RIMS2: variants seen among roughly 807,000 people sequenced by gnomAD.
The protein encoded by RIMS2 is regulating synaptic membrane exocytosis protein 2.
RIMS2 carries 59 observed loss-of-function variants against 174.4 expected under a neutral mutation model. The ratio of observed to expected loss-of-function variants is 0.34; its 90% confidence interval spans 0.27 to 0.42. The LOEUF is 0.42. RIMS2 is among the 10% of genes least tolerant of loss of function. RIMS2 has a pLI of 1.00. For synonymous variants in RIMS2, 606 were observed against 572.5 expected (o/e 1.06, Z -0.84); for missense variants, 1,620 against 1,666.3 (o/e 0.97, Z 0.48).
chr8:103,606,284 G>A (rs1339791260), intron 1 of RIMS2, among the ~76,000 whole-genome samples: 3 of 147,736 alleles, frequency 2.0e-5, no homozygotes, highest in Non-Finnish European at 4.5e-5. Flanking sequence ...GGAGCAGGTT[G>A]TTCAGTTTCC....
intron 2 of RIMS2, among the ~76,000 whole-genome samples, chr8:103,765,768 T>A (rs12544699): frequency 0.16 from 23,912 of 152,078 alleles, 1,991 homozygotes; most frequent in Middle Eastern, 0.25. Context: ...CAGCCTCAAA[T>A]TACAGGGAAA....
At chr8:103,663,392 G>A (rs1002711057) in intron 1 of RIMS2, among the ~76,000 whole-genome samples, 22 of 152,070 alleles carry the variant, frequency 1.4e-4, no homozygotes, top group Admixed American at 1.4e-3. Context: ...AAACCCCATC[G>A]TGTCAGCCCC....
intron 19 of RIMS2, among the ~76,000 whole-genome samples, chr8:104,071,478 A>G (rs1463457028): frequency 1.3e-5 from 2 of 152,168 alleles, no homozygotes; most frequent in Non-Finnish European, 2.9e-5. Context: ...TCTGTCACCC[A>G]GGCTGGAGTG....
intron 19 of RIMS2, among the ~76,000 whole-genome samples, chr8:104,038,237 T>G (rs547245566): frequency 2.1e-4 from 32 of 152,140 alleles, no homozygotes; most frequent in African/African-American, 6.3e-4. Flanking sequence ...TATATATCTT[T>G]TATTTCATTG....
intron 3 of RIMS2, among the ~76,000 whole-genome samples, chr8:103,823,508 C>T (rs2098766781): frequency 6.6e-6 from 1 of 151,904 alleles, no homozygotes; most frequent in Non-Finnish European, 1.5e-5. Context: ...CTTAAATTCA[C>T]TTAGTTTAAG....
At chr8:103,725,797 A>G (rs2097521613) in intron 2 of RIMS2, among the ~76,000 whole-genome samples, 1 of 152,178 alleles carries the variant, frequency 6.6e-6, no homozygotes, top group Non-Finnish European at 1.5e-5. Context: ...TGCAAAGGTC[A>G]TATACAATTT....
intron 2 of RIMS2, among the ~76,000 whole-genome samples, chr8:103,760,519 C>T (rs564341269): frequency 3.3e-5 from 5 of 152,300 alleles, no homozygotes; most frequent in Admixed American, 6.5e-5. Context: ...AGTTTAGTAG[C>T]GCAAGCTACC....
At chr8:103,756,197 A>T (rs2098000607) in intron 2 of RIMS2, among the ~76,000 whole-genome samples, 1 of 151,978 alleles carries the variant, frequency 6.6e-6, no homozygotes, top group Non-Finnish European at 1.5e-5. Flanking sequence ...TCATCTGCAG[A>T]TCTGTTGGAG....
chr8:103,914,330 G>C (rs2076271180), intron 6 of RIMS2, among the ~76,000 whole-genome samples: 1 of 152,130 alleles, frequency 6.6e-6, no homozygotes, highest in Admixed American at 6.5e-5. Flanking sequence ...GGAGTTACTA[G>C]TTACGTGAAA....
At chr8:103,874,033 G>A (rs1174738297) in intron 3 of RIMS2, among the ~76,000 whole-genome samples, 1 of 151,798 alleles carries the variant, frequency 6.6e-6, no homozygotes, top group Non-Finnish European at 1.5e-5. Context: ...ATTCAGGTGG[G>A]GATTGATCCT....
intron 2 of RIMS2, among the ~76,000 whole-genome samples, chr8:103,712,666 A>G (rs550910263): frequency 6.6e-6 from 1 of 152,310 alleles, no homozygotes; most frequent in African/African-American, 2.4e-5. Flanking sequence ...TTAAGATATA[A>G]AAAATTCATG....
chr8:103,865,477 GT>G (rs2154504555), intron 3 of RIMS2, among the ~76,000 whole-genome samples: 1 of 151,694 alleles, frequency 6.6e-6, no homozygotes, highest in Admixed American at 6.6e-5. Context: ...TAGAGATGGG[GT>G]TTCGCCATGT....
chr8:103,813,847 G>C (rs1203131801), intron 3 of RIMS2, among the ~76,000 whole-genome samples: 3 of 152,062 alleles, frequency 2.0e-5, no homozygotes, highest in Non-Finnish European at 4.4e-5. Flanking sequence ...ATTGTGAATA[G>C]TGCCGCAATA....
Position 103,930,526 on chromosome 8 carries a change from C to T in RIMS2, c.2245-737C>T, listed in dbSNP as rs191923348. Among the ~76,000 whole-genome samples the T allele has an allele frequency of 7.9e-5, 12 of 152,160 alleles. No homozygotes were observed. In the East Asian group the frequency reaches 2.3e-3, roughly 29 times the overall value. On this transcript the variant is annotated intron_variant, in intron 11 of 23. Transcript: ENST00000504942. ...GAGGTATGTGTGTGGGAGGTGATAA[C>T]TGTTAAATCAAGTGAATTCAGCAGT...
chr8:104,127,147 T>C (rs2098438419), intron 19 of RIMS2, among the ~76,000 whole-genome samples: 1 of 152,200 alleles, frequency 6.6e-6, no homozygotes, highest in Non-Finnish European at 1.5e-5. Context: ...CTCTCTAGAA[T>C]ATTCACTTTT....
chr8:103,586,450 G>T (rs1356848584), intron 1 of RIMS2, among the ~76,000 whole-genome samples: 2 of 152,094 alleles, frequency 1.3e-5, no homozygotes, highest in African/African-American at 2.4e-5. Context: ...AGGAATTTGG[G>T]AAACTAAACA....
intron 19 of RIMS2, among the ~76,000 whole-genome samples, chr8:104,059,408 T>C (rs2096935274): frequency 6.6e-6 from 1 of 151,566 alleles, no homozygotes; most frequent in South Asian, 2.1e-4. Flanking sequence ...GTGATTTTTG[T>C]ACATTGATTT....
intron 1 of RIMS2, among the ~76,000 whole-genome samples, chr8:103,538,538 A>G (rs1301967174): frequency 7.0e-6 from 1 of 142,826 alleles, no homozygotes; most frequent in African/African-American, 2.6e-5. Flanking sequence ...TTTTTTGGAG[A>G]TGGAGTCTCG....
At chr8:103,707,855 G>C (rs1215397540) in intron 2 of RIMS2, among the ~76,000 whole-genome samples, 1 of 152,180 alleles carries the variant, frequency 6.6e-6, no homozygotes, top group Non-Finnish European at 1.5e-5. Context: ...TGTACTGCCA[G>C]GGCAACATAT....
Sources: gnomAD v4.1 joint callset for allele counts (sites outside exome capture counted in the v4.1 genomes callset) on GRCh38, gnomAD v4.1.1 for gene constraint, MANE v1.5 for transcripts, NCBI Gene and HGNC (gene_info 2026-07-23, HGNC 2026-07-21) for gene names.